Variants in OGDH observed in about 807,000 individuals in gnomAD.
The protein encoded by OGDH is oxoglutarate dehydrogenase, also known as 2-oxoglutarate dehydrogenase complex component E1.
In OGDH, 38 loss-of-function variants were observed where a neutral mutation model predicts 116.6. That is an observed-to-expected ratio of 0.33 (90% CI 0.25 to 0.43). OGDH has a LOEUF of 0.43. OGDH is among the 20% of genes least tolerant of loss of function. OGDH has a pLI of 1.00. For synonymous variants in OGDH, 488 were observed against 533.3 expected, an observed-to-expected ratio of 0.92 and a Z score of 1.17; for missense variants, 825 against 1,357.2, an observed-to-expected ratio of 0.61 and a Z score of 6.16.
Position 44,707,834 on chromosome 7 carries a change from A to G in OGDH, c.2952-45A>G. 1 of 1,608,436 alleles carries G rather than the reference A, an allele frequency of 6.2e-7. No individual in the cohort carries two copies. Among genetic ancestry groups the G allele is most frequent in the East Asian group, 2.2e-5 (1 of 44,850 alleles). ...TGCAGCAGAGGGATGGGCTGGGCCAACTCAGTGTCCCCTGCCCTCACTGCC... is the reference window on the plus strand; with the variant it reads ...TGCAGCAGAGGGATGGGCTGGGCCAGCTCAGTGTCCCCTGCCCTCACTGCC... On this transcript the variant is annotated intron_variant, in intron 22 of 22. Transcript: ENST00000222673. This position sits in a 1 kb window ranked among gnomAD's most constrained non-coding sequence, Gnocchi z 5.2.
At chr7:44,627,004 G>GTT (rs1012402040) in intron 2 of OGDH, among the ~76,000 whole-genome samples, 26 of 152,200 alleles carry the variant, frequency 1.7e-4, no homozygotes, top group African/African-American at 6.0e-4. Flanking sequence ...TTTTTGTTTT[G>GTT]TTTTGTTTTT....
At chr7:44,611,129 G>A (rs898243903) in intron 1 of OGDH, among the ~76,000 whole-genome samples, 16 of 147,056 alleles carry the variant, frequency 1.1e-4, no homozygotes, top group African/African-American at 3.5e-4. Context: ...AGGCTGGAGT[G>A]CAGTGGCATG....
At chr7:44,689,911 G>T (rs1485727468) in intron 10 of OGDH, among the ~76,000 whole-genome samples, 2 of 152,160 alleles carry the variant, frequency 1.3e-5, no homozygotes, top group African/African-American at 4.8e-5. Context: ...TTTGTTGCTT[G>T]TGATTTTTGG....
At chr7:44,681,682 G>A in intron 9 of OGDH, 38 bp from the exon 10 acceptor site, 1 of 1,596,898 alleles carries the variant, frequency 6.3e-7, no homozygotes, top group Non-Finnish European at 8.5e-7. Context: ...TTGGCAATCA[G>A]AACATTCTGG....
Position 44,709,034 on chromosome 7 carries a change from T to C in OGDH, c.*1035T>C, listed in dbSNP as rs948054473. ...GGAACAGAAACAACTTTGCATTGCATTGGCTTGACCCATAAACTAAGTTAT... is the reference window on the plus strand; with the variant it reads ...GGAACAGAAACAACTTTGCATTGCACTGGCTTGACCCATAAACTAAGTTAT... On this transcript the variant is annotated 3_prime_UTR_variant, in exon 23 of 23. Coordinates refer to ENST00000222673, the MANE Select transcript of OGDH (RefSeq NM_002541.4). 6.6e-6 allele frequency: 1 copy of C among 152,134 alleles called. No individual in the cohort carries two copies. The highest frequency in any genetic ancestry group is 2.4e-5 in the African/African-American group (1 of 41,380). The allele number at this position is 152,134 out of a possible 1,614,324, so 9.4% of individuals were successfully genotyped here.
At chr7:44,648,125 A>ATCAT (rs1055579424) in intron 4 of OGDH, among the ~76,000 whole-genome samples, 17 of 152,224 alleles carry the variant, frequency 1.1e-4, no homozygotes, top group African/African-American at 3.4e-4. Context: ...CATGTCCATG[A>ATCAT]GGCCTTGCTC....
intron 19 of OGDH, 51 bp downstream of exon 19, chr7:44,700,320 G>A: frequency 6.2e-7 from 1 of 1,605,034 alleles, no homozygotes; most frequent in Non-Finnish European, 8.5e-7. Context: ...CTGCCCTGTT[G>A]GTGCAGGGAA....
At chr7:44,658,732 G>A (rs554815763) in intron 4 of OGDH, among the ~76,000 whole-genome samples, 2 of 152,132 alleles carry the variant, frequency 1.3e-5, no homozygotes, top group East Asian at 3.9e-4. Flanking sequence ...TCAAGCTGAG[G>A]AAGTTCCTCT....
intron 5 of OGDH, among the ~76,000 whole-genome samples, chr7:44,671,459 G>A (rs903812801): frequency 3.3e-5 from 5 of 152,110 alleles, no homozygotes; most frequent in Admixed American, 1.3e-4. Flanking sequence ...GGGAACAAAC[G>A]GGTTAATAAA....
rs747291811 is a variant in OGDH at position 44,666,800 on chromosome 7, C to T, written c.582C>T (p.Ile194=). 16 of 1,613,138 alleles carry T rather than the reference C, an allele frequency of 9.9e-6. No homozygotes were observed. The highest frequency in any genetic ancestry group is 1.7e-4 in the Middle Eastern group (1 of 6,058). Residue 194 remains isoleucine (I), a synonymous_variant, in exon 5 of 23, where the codon ATC becomes ATT. Coordinates refer to ENST00000222673, the MANE Select transcript of OGDH (RefSeq NM_002541.4). The part of the protein sequence containing the change: ...KVFHLPTTTF[I]GGQESALPLR... The stretch of plus-strand genomic sequence containing the variant: ...TCCACTTGCCCACCACCACTTTCAT[C>T]GGGGGACAGGAATCAGCACTTCCTC...
At chr7:44,613,174 C>CTTGTTT (rs1214683802) in intron 1 of OGDH, among the ~76,000 whole-genome samples, 1 of 149,352 alleles carries the variant, frequency 6.7e-6, no homozygotes. Context: ...CTGCGCCTGG[C>CTTGTTT]TTGTTTTTGT....
chr7:44,686,164 T>C (rs1788117819), intron 10 of OGDH, among the ~76,000 whole-genome samples: 1 of 152,208 alleles, frequency 6.6e-6, no homozygotes, highest in Non-Finnish European at 1.5e-5. Context: ...TTTTTCTTAT[T>C]GCACTGGCTA....
At chr7:44,629,051 A>T (rs1785317223) in intron 2 of OGDH, among the ~76,000 whole-genome samples, 1 of 151,780 alleles carries the variant, frequency 6.6e-6, no homozygotes, top group Non-Finnish European at 1.5e-5. Flanking sequence ...AGCCTATGAA[A>T]CCCTCCTCAT....
chr7:44,616,807 G>GTGTATATATATACATATATATA (rs1562610856), intron 1 of OGDH, among the ~76,000 whole-genome samples: 4 of 127,220 alleles, frequency 3.1e-5, no homozygotes, highest in Non-Finnish European at 5.1e-5. Context: ...GTATATATAT[G>GTGTATATATATACATATATATA]CATATATACG....
intron 2 of OGDH, among the ~76,000 whole-genome samples, chr7:44,627,577 G>A (rs1785256878): frequency 6.6e-6 from 1 of 152,150 alleles, no homozygotes; most frequent in African/African-American, 2.4e-5. Flanking sequence ...GCTTATGGGG[G>A]GCTGCAAGGA....
rs1029835645 is a variant in OGDH, at chr7:44,699,358, G to A, written c.2431-783G>A. On this transcript the variant is annotated intron_variant, in intron 18 of 22. Coordinates refer to ENST00000222673, the MANE Select transcript of OGDH (RefSeq NM_002541.4). ...GAGAATCGCTTGAACCCGGGAGGTG[G>A]AGGTTGCAGTGAGCCAAGATTGCGC... Among the ~76,000 whole-genome samples the A allele has an allele frequency of 2.7e-5, 4 of 150,366 alleles. No individual in the cohort carries two copies. In the South Asian group the frequency reaches 8.5e-4, roughly 32 times the overall value.
At chr7:44,634,828 C>T (rs1176220562) in intron 2 of OGDH, among the ~76,000 whole-genome samples, 1 of 152,196 alleles carries the variant, frequency 6.6e-6, no homozygotes, top group African/African-American at 2.4e-5. Flanking sequence ...CCAGCTCTAC[C>T]ATCTGCACAT....
In OGDH at chr7:44,647,324, G is replaced by A. The variant is rs968562996; in HGVS notation, c.415-333G>A. 2.0e-5 allele frequency: 13 copies of A among 637,566 alleles called. 1 individual carries two copies. Among genetic ancestry groups the A allele is most frequent in the South Asian group, 5.8e-5 (3 of 52,114 alleles). The allele number at this position is 637,566 out of a possible 1,614,324, so 39.5% of individuals were successfully genotyped here. Reference sequence around the variant, plus strand: ...AAGACTTTTAAAAACTAATTTTGTCGTATGGGTTTATTGGTGCTGTGTTCC... The same window carrying A: ...AAGACTTTTAAAAACTAATTTTGTCATATGGGTTTATTGGTGCTGTGTTCC... On this transcript the variant is annotated intron_variant, in intron 3 of 22. Coordinates refer to ENST00000222673, the MANE Select transcript of OGDH (RefSeq NM_002541.4).
intron 4 of OGDH, among the ~76,000 whole-genome samples, chr7:44,654,568 A>T (rs1340675972): frequency 6.6e-6 from 1 of 152,220 alleles, no homozygotes; most frequent in Non-Finnish European, 1.5e-5. Context: ...ATTGATTGCT[A>T]TGTGCAGCGT....
Sources: gnomAD v4.1 joint callset for allele counts (sites outside exome capture counted in the v4.1 genomes callset) on GRCh38, gnomAD v4.1.1 for gene constraint, Gnocchi (gnomAD v3.1) non-coding constraint, MANE v1.5 for transcripts, NCBI Gene and HGNC (gene_info 2026-07-23, HGNC 2026-07-21) for gene names.